The following GPHN variants were observed in gnomAD, a reference collection of about 807,000 sequenced individuals.
The protein encoded by GPHN is gephyrin.
Under a neutral mutation model 95.5 loss-of-function variants are expected in GPHN, and 17 were observed. The observed-to-expected ratio is 0.18, with a 90% CI of 0.12 to 0.27. The LOEUF (loss-of-function observed/expected upper bound fraction) is 0.27. Ranked by LOEUF, GPHN falls within the 10% of genes least tolerant of loss-of-function variation. The pLI is 1.00. For missense variants in GPHN, 660 were observed against 978.1 expected (o/e 0.67, Z 4.34); for synonymous variants, 320 against 322.5 (o/e 0.99, Z 0.08).
chr14:67,485,614 G>A, the GPHN span, among the ~76,000 whole-genome samples: 1 of 152,220 alleles, frequency 6.6e-6, no homozygotes. Context: ...CTTCCTTCCT[G>A]CAGGCCTCTG....
At chr14:67,650,445 G>A in the GPHN span, 3 of 437,728 alleles carry the variant, frequency 6.9e-6, no homozygotes, top group East Asian at 8.1e-5. Flanking sequence ...CAGAACGCCT[G>A]ACAATTATGC....
chr14:66,652,094 A>G (rs981654973), intron 1 of GPHN, among the ~76,000 whole-genome samples: 4 of 152,252 alleles, frequency 2.6e-5, no homozygotes, highest in South Asian at 2.1e-4. Flanking sequence ...CTTTCTTTGC[A>G]TTCTTTCAAA....
At chr14:67,038,441 A>T (rs1383312028) in intron 10 of GPHN, among the ~76,000 whole-genome samples, 1 of 152,140 alleles carries the variant, frequency 6.6e-6, no homozygotes, top group Non-Finnish European at 1.5e-5. Flanking sequence ...ATTGTTTAAG[A>T]GGGTTACAAA....
At chr14:66,645,401 T>C (rs2064678512) in intron 1 of GPHN, among the ~76,000 whole-genome samples, 1 of 152,036 alleles carries the variant, frequency 6.6e-6, no homozygotes, top group African/African-American at 2.4e-5. Flanking sequence ...TATTTAAAAA[T>C]TTGGGCCAGG....
chr14:67,460,934 C>T, the GPHN span, among the ~76,000 whole-genome samples: 1 of 152,196 alleles, frequency 6.6e-6, no homozygotes, highest in South Asian at 2.1e-4. Context: ...TTATTTAACT[C>T]AACCTTCACA....
At chr14:67,456,788 A>G in the GPHN span, among the ~76,000 whole-genome samples, 3 of 152,232 alleles carry the variant, frequency 2.0e-5, no homozygotes, top group Admixed American at 2.0e-4. Context: ...TTATATACCC[A>G]AAGGCATATA....
chr14:67,274,144 A>G, the GPHN span, among the ~76,000 whole-genome samples: 5 of 152,044 alleles, frequency 3.3e-5, no homozygotes, highest in African/African-American at 7.2e-5. Context: ...CCATTTGTCA[A>G]TTTTGGGTTT....
intron 2 of GPHN, among the ~76,000 whole-genome samples, chr14:66,684,285 A>T (rs2067193583): frequency 6.6e-6 from 1 of 152,134 alleles, no homozygotes; most frequent in African/African-American, 2.4e-5. Context: ...GCTAAGGAAA[A>T]CCCAGGCTTA....
At chr14:67,195,752 TGTGTG>T in the GPHN span, among the ~76,000 whole-genome samples, 1 of 151,750 alleles carries the variant, frequency 6.6e-6, no homozygotes, top group African/African-American at 2.4e-5. Context: ...TGTGTGTGTG[TGTGTG>T]TTTTGAGACA....
intron 1 of GPHN, among the ~76,000 whole-genome samples, chr14:66,641,535 A>G (rs72726447): frequency 0.058 from 8,816 of 152,196 alleles, 354 homozygotes; most frequent in Middle Eastern, 0.099. Context: ...GTGAGATAGT[A>G]TATATAAAGC....
At chr14:67,058,873 AAAAG>A (rs1567273002) in intron 11 of GPHN, 87 bp downstream of exon 11, 2 of 1,159,798 alleles carry the variant, frequency 1.7e-6, no homozygotes, top group East Asian at 2.3e-5. Flanking sequence ...GTTTTCCTGA[AAAAG>A]AAAGATTATT....
the GPHN span, among the ~76,000 whole-genome samples, chr14:67,666,138 G>A: frequency 6.6e-6 from 1 of 152,230 alleles, no homozygotes; most frequent in African/African-American, 2.4e-5. Flanking sequence ...AAGCCAGACA[G>A]TAAGAAGCAG....
At chr14:67,554,008 T>C in the GPHN span, among the ~76,000 whole-genome samples, 1 of 152,166 alleles carries the variant, frequency 6.6e-6, no homozygotes, top group Non-Finnish European at 1.5e-5. Context: ...TTTTGTCCCA[T>C]ATGGGTTGTA....
intron 10 of GPHN, among the ~76,000 whole-genome samples, chr14:67,048,065 A>G (rs2075125309): frequency 6.6e-6 from 1 of 152,184 alleles, no homozygotes; most frequent in Non-Finnish European, 1.5e-5. Context: ...TTTCAAGATG[A>G]CCACACCACA....
At chr14:67,232,106 T>C in the GPHN span, among the ~76,000 whole-genome samples, 2 of 152,192 alleles carry the variant, frequency 1.3e-5, no homozygotes, top group African/African-American at 4.8e-5. Context: ...ATTGCTTCCT[T>C]TGGGTACAGA....
At chr14:66,511,012 G>C (rs919375248) in intron 1 of GPHN, among the ~76,000 whole-genome samples, 2 of 152,142 alleles carry the variant, frequency 1.3e-5, no homozygotes, top group African/African-American at 4.8e-5. Flanking sequence ...AGGAAAATAG[G>C]TTTTGATGAT....
intron 10 of GPHN, among the ~76,000 whole-genome samples, chr14:67,037,969 T>C (rs1439500722): frequency 6.6e-6 from 1 of 151,942 alleles, no homozygotes; most frequent in Non-Finnish European, 1.5e-5. Context: ...TCCAAAAGAA[T>C]TGAAAATAGC....
At chr14:66,940,346 G>C (rs1243270135) in intron 8 of GPHN, among the ~76,000 whole-genome samples, 1 of 152,140 alleles carries the variant, frequency 6.6e-6, no homozygotes, top group Non-Finnish European at 1.5e-5. Flanking sequence ...GTAGAAAGAG[G>C]GGAGCAGGTG....
the GPHN span, among the ~76,000 whole-genome samples, chr14:67,482,500 CT>C: frequency 8.6e-4 from 131 of 152,336 alleles, no homozygotes; most frequent in African/African-American, 3.1e-3. Context: ...ACTCCACTCA[CT>C]TCCCAAGCTT....
Sources: gnomAD v4.1 joint callset for allele counts (sites outside exome capture counted in the v4.1 genomes callset) on GRCh38, gnomAD v4.1.1 for gene constraint, MANE v1.5 for transcripts, NCBI Gene and HGNC (gene_info 2026-07-23, HGNC 2026-07-21) for gene names.